The following GLRA2 variants were observed in gnomAD, a reference collection of about 807,000 sequenced individuals.
The protein encoded by GLRA2 is glycine receptor subunit alpha-2.
GLRA2 carries 11 observed loss-of-function variants against 31.6 expected under a neutral mutation model. That is an observed-to-expected ratio of 0.35 (90% confidence interval 0.22 to 0.58). GLRA2 has a LOEUF of 0.58. Ranked by LOEUF, GLRA2 falls within the 20% of genes least tolerant of loss-of-function variation. The pLI, the probability that GLRA2 is intolerant of heterozygous loss-of-function variation, is 0.84. For missense variants in GLRA2, 212 were observed against 351.8 expected (o/e 0.60, Z 3.18); for synonymous variants, 132 against 134.0 (o/e 0.99, Z 0.10).
chrX:14,689,170 A>T (rs996065476), intron 7 of GLRA2, among the ~76,000 whole-genome samples: 1 of 111,882 alleles, frequency 8.9e-6, no homozygotes, highest in Non-Finnish European at 1.9e-5. Flanking sequence ...GCTCCTGCAA[A>T]CCTTCTAATT....
chrX:14,574,572 G>A (rs1291251679), intron 3 of GLRA2, 172 bp downstream of exon 3: 2 of 1,119,638 alleles, frequency 1.8e-6, no homozygotes, highest in East Asian at 3.0e-5. Flanking sequence ...GAGTGGGACT[G>A]AGCATTGAAG....
chrX:14,602,422 T>G (rs2090287132), intron 4 of GLRA2, among the ~76,000 whole-genome samples: 1 of 110,836 alleles, frequency 9.0e-6, no homozygotes, highest in Non-Finnish European at 1.9e-5. Context: ...TTTTTCCTTT[T>G]TTTTTCAATT....
At chrX:14,538,256 G>C (rs2089353279) in intron 2 of GLRA2, among the ~76,000 whole-genome samples, 1 of 110,948 alleles carries the variant, frequency 9.0e-6, no homozygotes, top group Non-Finnish European at 1.9e-5. Flanking sequence ...CTGTGCCTCA[G>C]GTTTTCTTCT....
intron 7 of GLRA2, among the ~76,000 whole-genome samples, chrX:14,663,516 TACAC>T (rs751970033): frequency 4.8e-5 from 5 of 104,029 alleles, no homozygotes; most frequent in Non-Finnish European, 8.0e-5. Flanking sequence ...TAGAAAAGAT[TACAC>T]ACACACACAC....
At chrX:14,656,587 C>T (rs2090943564) in intron 7 of GLRA2, among the ~76,000 whole-genome samples, 1 of 112,063 alleles carries the variant, frequency 8.9e-6, no homozygotes, top group African/African-American at 3.2e-5. Context: ...TTAAACCTCT[C>T]AGAAGTCAAT....
At chrX:14,515,326 AC>A in the GLRA2 span, among the ~76,000 whole-genome samples, 1 of 111,729 alleles carries the variant, frequency 9.0e-6, no homozygotes, top group African/African-American at 3.2e-5. Context: ...TTTAAGTTTC[AC>A]GTTCAGTACA....
chrX:14,542,410 G>A lies in GLRA2; in HGVS notation c.202+10038G>A, dbSNP rs180896710. 2.6e-3 allele frequency among the ~76,000 whole-genome samples: 289 copies of A among 111,383 alleles called. 3 individuals carry two copies. Among genetic ancestry groups the A allele is most frequent in the Admixed American group, 0.026 (271 of 10,521 alleles). On this transcript the variant is annotated intron_variant, in intron 2 of 8. Transcript: ENST00000218075. The stretch of plus-strand genomic sequence containing the variant: ...TCAAAAGGCCTTTTTAGGACACAGA[G>A]GCATGCAAGAGTGATCTCTTTAAAC...
intron 4 of GLRA2, among the ~76,000 whole-genome samples, chrX:14,600,030 G>A (rs2090250255): frequency 9.0e-6 from 1 of 110,654 alleles, no homozygotes; most frequent in Non-Finnish European, 1.9e-5. Context: ...TATCTAGAAA[G>A]GAAATTAGAA....
chrX:14,707,781 C>T (rs759495385), intron 8 of GLRA2, among the ~76,000 whole-genome samples: 6 of 100,962 alleles, frequency 5.9e-5, no homozygotes, highest in East Asian at 3.1e-4. Context: ...TGTGCACGCG[C>T]GCGTGTTGCA....
chrX:14,628,418 C>T (rs761669039), intron 7 of GLRA2, among the ~76,000 whole-genome samples: 6 of 111,391 alleles, frequency 5.4e-5, no homozygotes, highest in Admixed American at 9.6e-5. Context: ...GAGCCAGCCA[C>T]AGTGCTTGGC....
chrX:14,451,217 T>C, the GLRA2 span, among the ~76,000 whole-genome samples: 2 of 111,555 alleles, frequency 1.8e-5, no homozygotes, highest in African/African-American at 3.3e-5. Flanking sequence ...CCACAGACCC[T>C]ATAAAACAAC....
chrX:14,626,076 A>G (rs979799170), intron 7 of GLRA2, among the ~76,000 whole-genome samples: 8 of 112,190 alleles, frequency 7.1e-5, no homozygotes, highest in Admixed American at 2.8e-4. Context: ...GATGCCTTTC[A>G]TTGTGCTAAA....
intron 7 of GLRA2, among the ~76,000 whole-genome samples, chrX:14,635,972 T>C (rs1317112387): frequency 9.0e-5 from 10 of 111,239 alleles, no homozygotes; most frequent in Non-Finnish European, 3.8e-5. Context: ...ATGAATATGA[T>C]AGGGTATGTC....
the GLRA2 span, among the ~76,000 whole-genome samples, chrX:14,454,029 G>A: frequency 8.1e-5 from 9 of 111,293 alleles, no homozygotes; most frequent in East Asian, 1.1e-3. Flanking sequence ...GGTGTTAAGC[G>A]GAGAGGGAGC....
chrX:14,454,182 ACACACC>A, the GLRA2 span, among the ~76,000 whole-genome samples: 2 of 70,504 alleles, frequency 2.8e-5, no homozygotes, highest in East Asian at 7.1e-4. Flanking sequence ...ACCCACACCC[ACACACC>A]CACACACACA....
chrX:14,720,373 T>C (rs918571573), intron 8 of GLRA2, among the ~76,000 whole-genome samples: 2 of 112,105 alleles, frequency 1.8e-5, no homozygotes, highest in South Asian at 3.7e-4. Flanking sequence ...GATCTCATCA[T>C]GTAAGTCAAA....
chrX:14,697,126 T>A (rs1025281859), intron 8 of GLRA2, among the ~76,000 whole-genome samples: 2 of 111,434 alleles, frequency 1.8e-5, no homozygotes, highest in Non-Finnish European at 3.8e-5. Context: ...TAACATTTAT[T>A]GAGGGCTTAC....
At chrX:14,495,682 A>G in the GLRA2 span, among the ~76,000 whole-genome samples, 1 of 109,590 alleles carries the variant, frequency 9.1e-6, no homozygotes, top group Non-Finnish European at 1.9e-5. Context: ...AAGGATATAT[A>G]TGAAAATATT....
chrX:14,563,299 C>G (rs186296693), intron 2 of GLRA2, among the ~76,000 whole-genome samples: 6 of 112,054 alleles, frequency 5.4e-5, no homozygotes, highest in African/African-American at 1.9e-4. Flanking sequence ...TGATTGGTTG[C>G]TTTGTATTTT....
Sources: allele counts gnomAD v4.1 joint callset (sites outside exome capture counted in the v4.1 genomes callset), GRCh38; gene constraint gnomAD v4.1.1; transcripts MANE v1.5; gene names NCBI Gene and HGNC (gene_info 2026-07-23, HGNC 2026-07-21).